Variants in COL22A1 observed in about 807,000 individuals in gnomAD.
COL22A1 encodes collagen type XXII alpha 1 chain, also known as collagen alpha-1(XXII) chain.
In COL22A1, 221 loss-of-function variants were observed where a neutral mutation model predicts 248.9. The observed-to-expected ratio is 0.89, with a 90% CI of 0.80 to 0.99. The LOEUF is 0.99. Among genes scored for constraint, COL22A1 ranks in the 50% least tolerant of loss-of-function variants. The pLI is 0.00. For missense variants in COL22A1, 2,240 were observed against 2,179.0 expected (o/e 1.03, Z -0.56); for synonymous variants, 891 against 793.4 (o/e 1.12, Z -2.07).
chr8:138,696,944 A>T (rs1405149290), intron 32 of COL22A1, among the ~76,000 whole-genome samples: 1 of 152,208 alleles, frequency 6.6e-6, no homozygotes, highest in African/African-American at 2.4e-5. Context: ...CATTGGCAAC[A>T]CAATTCATAA....
chr8:138,806,310 T>C (rs911519451), intron 10 of COL22A1, among the ~76,000 whole-genome samples: 15 of 148,214 alleles, frequency 1.0e-4, no homozygotes, highest in Admixed American at 2.0e-4. Context: ...GATGTTGTAT[T>C]ATGGGGTGTG....
At chr8:138,790,927 G>A (rs1815979252) in intron 12 of COL22A1, among the ~76,000 whole-genome samples, 1 of 152,110 alleles carries the variant, frequency 6.6e-6, no homozygotes, top group Non-Finnish European at 1.5e-5. Flanking sequence ...TGCTGTCCCT[G>A]CCTAGCCCCC....
intron 52 of COL22A1, among the ~76,000 whole-genome samples, chr8:138,623,237 CAT>C (rs5895541): frequency 0.71 from 99,760 of 141,278 alleles, 36,283 homozygotes; most frequent in Middle Eastern, 0.89. Context: ...TGTGTGTGTA[CAT>C]ATATATATAT....
intron 22 of COL22A1, among the ~76,000 whole-genome samples, chr8:138,740,948 A>G (rs753390225): frequency 6.6e-6 from 1 of 152,124 alleles, no homozygotes; most frequent in Admixed American, 6.5e-5. Context: ...CAGGCCCAGT[A>G]TCTTCCTTCA....
chr8:138,667,262 CA>C (rs1824589145), intron 41 of COL22A1, among the ~76,000 whole-genome samples: 1 of 152,120 alleles, frequency 6.6e-6, no homozygotes, highest in Admixed American at 6.5e-5. Flanking sequence ...CCTTTGATAC[CA>C]GTTTCTACTA....
At chr8:138,717,443 G>A (rs978433597) in intron 27 of COL22A1, among the ~76,000 whole-genome samples, 6 of 152,162 alleles carry the variant, frequency 3.9e-5, no homozygotes, top group Admixed American at 1.3e-4. Flanking sequence ...CACTGCGCCC[G>A]GCCAGAATTT....
chr8:138,649,200 T>G (rs899860546), intron 46 of COL22A1, among the ~76,000 whole-genome samples: 1 of 152,186 alleles, frequency 6.6e-6, no homozygotes, highest in Admixed American at 6.5e-5. Context: ...ATTGTCTACA[T>G]GTTGACTGAC....
At chr8:138,760,623 C>T (rs998878335) in intron 17 of COL22A1, among the ~76,000 whole-genome samples, 5 of 152,140 alleles carry the variant, frequency 3.3e-5, no homozygotes, top group East Asian at 1.9e-4. Flanking sequence ...CTGCCCCGGC[C>T]CAGGGAGCAT....
chr8:138,684,728 G>A (rs1020194457), intron 38 of COL22A1, among the ~76,000 whole-genome samples: 14 of 152,172 alleles, frequency 9.2e-5, no homozygotes, highest in Admixed American at 8.5e-4. Flanking sequence ...TCCCATTGAA[G>A]AGCCTTATTG....
At chr8:138,867,720 C>T (rs1823003429) in intron 3 of COL22A1, among the ~76,000 whole-genome samples, 1 of 152,134 alleles carries the variant, frequency 6.6e-6, no homozygotes, top group African/African-American at 2.4e-5. Flanking sequence ...GTGCGTGTTC[C>T]CTCTGCTCTA....
Position 138,833,176 on chromosome 8 carries a change from G to C in COL22A1, c.734-26C>G, listed in dbSNP as rs367852445. ...CTGTACAAAGAGAAGAGCTGGGAGT[G>C]AGTTTGGAGAAGGAAGAGTATAAGA... On this transcript the variant is annotated intron_variant, in intron 4 of 64. Transcript: ENST00000303045. 152 of 1,504,700 alleles carry C rather than the reference G, an allele frequency of 1.0e-4. No individual in the cohort carries two copies. In the African/African-American group the frequency reaches 1.7e-3, roughly 17 times the overall value. The allele number at this position is 1,504,700 out of a possible 1,614,324, so 93.2% of individuals were successfully genotyped here.
intron 39 of COL22A1, among the ~76,000 whole-genome samples, chr8:138,681,848 T>C (rs1378004817): frequency 1.3e-5 from 2 of 152,170 alleles, no homozygotes; most frequent in Non-Finnish European, 2.9e-5. Context: ...AAAAACATTT[T>C]CCCTTTTGAA....
intron 50 of COL22A1, among the ~76,000 whole-genome samples, chr8:138,627,568 T>C (rs1277096857): frequency 6.6e-6 from 1 of 152,224 alleles, no homozygotes; most frequent in African/African-American, 2.4e-5. Flanking sequence ...TTGCCATCAC[T>C]AGACTTTTAT....
chr8:138,825,177 A>G (rs938125317), intron 6 of COL22A1, among the ~76,000 whole-genome samples: 5 of 152,210 alleles, frequency 3.3e-5, no homozygotes, highest in South Asian at 2.1e-4. Flanking sequence ...CTTCTCCAGA[A>G]AAGTGGCCTC....
At chr8:138,656,930 C>T (rs1463864338) in intron 44 of COL22A1, among the ~76,000 whole-genome samples, 3 of 152,152 alleles carry the variant, frequency 2.0e-5, no homozygotes, top group Non-Finnish European at 4.4e-5. Flanking sequence ...GGCTATTTCC[C>T]CATCCCTGAC....
In COL22A1 at chr8:138,610,559, C is replaced by T. The variant is rs1286967769; in HGVS notation, c.3979-2570G>A. Among the ~76,000 whole-genome samples the T allele has an allele frequency of 1.1e-4, 17 of 152,252 alleles. 3 individuals are homozygous for T. Among genetic ancestry groups the T allele is most frequent in the Admixed American group, 1.1e-3 (17 of 15,286 alleles). ...AAAAACAAAGTAGATATTTGGCAAA[C>T]TTCAGCAGCTCATTTTTGGTATCAG... On this transcript the variant is annotated intron_variant, in intron 56 of 64. Coordinates refer to ENST00000303045, the MANE Select transcript of COL22A1 (RefSeq NM_152888.3).
chr8:138,879,007 C>CA (rs370347309), intron 2 of COL22A1, among the ~76,000 whole-genome samples: 26 of 47,428 alleles, frequency 5.5e-4, no homozygotes, highest in South Asian at 1.2e-3. Context: ...GACTCTGTCT[C>CA]AAAAACAAAA....
chr8:138,821,487 C>T, intron 6 of COL22A1, 76 bp from the exon 7 acceptor site: 4 of 1,448,946 alleles, frequency 2.8e-6, no homozygotes, highest in Middle Eastern at 1.8e-4. Context: ...AACGGGAGTT[C>T]AGAGTCAGAC....
rs116172969 is a variant in COL22A1 at position 138,637,376 on chromosome 8, C to T, written c.3502-581G>A. Among the ~76,000 whole-genome samples the T allele has an allele frequency of 2.0e-3, 310 of 152,288 alleles. 3 individuals are homozygous for T. Among genetic ancestry groups the T allele is most frequent in the African/African-American group, 7.2e-3 (300 of 41,560 alleles). Reference sequence around the variant, plus strand: ...GAAGCTTTGGAAGAATTTATCCATACATAAGTTCCTTGCTCCCTCCCTTAC... The same window carrying T: ...GAAGCTTTGGAAGAATTTATCCATATATAAGTTCCTTGCTCCCTCCCTTAC... On this transcript the variant is annotated intron_variant, in intron 47 of 64. Transcript: ENST00000303045.
Sources: gnomAD v4.1 joint callset for allele counts (sites outside exome capture counted in the v4.1 genomes callset) on GRCh38, gnomAD v4.1.1 for gene constraint, MANE v1.5 for transcripts, NCBI Gene and HGNC (gene_info 2026-07-23, HGNC 2026-07-21) for gene names.